MDGA2: variants seen among roughly 807,000 people sequenced by gnomAD.
MDGA2 encodes MAM domain-containing glycosylphosphatidylinositol anchor protein 2.
Under a neutral mutation model 117.8 loss-of-function variants are expected in MDGA2, and 40 were observed. That is an observed-to-expected ratio of 0.34 (90% CI 0.26 to 0.44). MDGA2 has a LOEUF of 0.44. Among genes scored for constraint, MDGA2 ranks in the 20% least tolerant of loss-of-function variants. The pLI is 1.00. For synonymous variants in MDGA2, 452 were observed against 439.0 expected (o/e 1.03, Z -0.37); for missense variants, 1,123 against 1,250.6 (o/e 0.90, Z 1.54).
intron 2 of MDGA2, among the ~76,000 whole-genome samples, chr14:47,258,362 G>A (rs1887690054): frequency 6.6e-6 from 1 of 152,054 alleles, no homozygotes; most frequent in Admixed American, 6.6e-5. Context: ...GGAGAGGAAG[G>A]AGGCATATTT....
intron 1 of MDGA2, among the ~76,000 whole-genome samples, chr14:47,352,584 G>C (rs1890908063): frequency 6.6e-6 from 1 of 152,112 alleles, no homozygotes. Flanking sequence ...AGTATGACTT[G>C]CTCACCTAAT....
At chr14:46,912,199 T>C (rs1566521151) in intron 10 of MDGA2, among the ~76,000 whole-genome samples, 1 of 152,234 alleles carries the variant, frequency 6.6e-6, no homozygotes, top group Non-Finnish European at 1.5e-5. Context: ...CCTGCTGTAC[T>C]TTGCTCATAA....
chr14:47,063,496 C>T (rs1438700713), intron 6 of MDGA2, among the ~76,000 whole-genome samples: 1 of 151,842 alleles, frequency 6.6e-6, no homozygotes, highest in Non-Finnish European at 1.5e-5. Flanking sequence ...ATCTGGCTGC[C>T]ATATTTGGTA....
At chr14:47,011,450 G>A (rs1480480787) in intron 8 of MDGA2, among the ~76,000 whole-genome samples, 2 of 151,888 alleles carry the variant, frequency 1.3e-5, no homozygotes, top group African/African-American at 4.8e-5. Flanking sequence ...ATGTTGAGAA[G>A]CAAAAGTAAC....
At chr14:47,101,883 A>C (rs368508009) in intron 5 of MDGA2, among the ~76,000 whole-genome samples, 42 of 152,312 alleles carry the variant, frequency 2.8e-4, no homozygotes, top group East Asian at 2.7e-3. Flanking sequence ...AAGTATGTAT[A>C]CTGGGGTTCA....
intron 7 of MDGA2, among the ~76,000 whole-genome samples, chr14:47,052,002 C>A (rs1889475981): frequency 6.6e-6 from 1 of 151,792 alleles, no homozygotes; most frequent in Non-Finnish European, 1.5e-5. Context: ...ATGTACATTC[C>A]ATTGTTAACT....
At chr14:47,610,527 G>A (rs926885618) in intron 1 of MDGA2, among the ~76,000 whole-genome samples, 7 of 151,926 alleles carry the variant, frequency 4.6e-5, no homozygotes, top group African/African-American at 1.7e-4. Context: ...CAACCAAGCG[G>A]AGAATCAAAT....
chr14:47,494,090 T>C lies in MDGA2; in HGVS notation c.280+180427A>G, dbSNP rs1894229100. 2.6e-5 allele frequency among the ~76,000 whole-genome samples: 4 copies of C among 152,326 alleles called. No homozygotes were observed. In the South Asian group the frequency reaches 8.3e-4, roughly 32 times the overall value. On this transcript the variant is annotated intron_variant, in intron 1 of 16. Transcript: ENST00000399232. ...CTCTTTACTCTGCACTTCTCCTTCC[T>C]GCTGCCATGTGAAGAAGTACATGTT...
At chr14:47,188,569 C>T (rs1056353613) in intron 3 of MDGA2, among the ~76,000 whole-genome samples, 2 of 152,018 alleles carry the variant, frequency 1.3e-5, no homozygotes, top group East Asian at 1.9e-4. Context: ...GAAGGGAGTC[C>T]GGATGCACAT....
intron 2 of MDGA2, among the ~76,000 whole-genome samples, chr14:47,259,699 G>A (rs1008395871): frequency 1.3e-5 from 2 of 151,976 alleles, no homozygotes; most frequent in Non-Finnish European, 2.9e-5. Flanking sequence ...TAGGAACTCC[G>A]AAGAAAAGTG....
At chr14:47,223,302 A>G (rs141344559) in intron 2 of MDGA2, among the ~76,000 whole-genome samples, 73 of 152,308 alleles carry the variant, frequency 4.8e-4, no homozygotes, top group African/African-American at 1.6e-3. Context: ...TATAAACCTT[A>G]AGTACCCTCT....
intron 2 of MDGA2, among the ~76,000 whole-genome samples, chr14:47,241,565 A>G (rs1272822121): frequency 6.6e-6 from 1 of 151,946 alleles, no homozygotes; most frequent in East Asian, 1.9e-4. Flanking sequence ...TTCTTTAATT[A>G]AAGGTCACTC....
intron 1 of MDGA2, among the ~76,000 whole-genome samples, chr14:47,641,183 C>T (rs2138245934): frequency 6.6e-6 from 1 of 152,178 alleles, no homozygotes; most frequent in South Asian, 2.1e-4. Flanking sequence ...ACTTGTTATA[C>T]TTGAAGTGAA....
At chr14:47,040,334 T>C (rs1342798473) in intron 7 of MDGA2, among the ~76,000 whole-genome samples, 1 of 151,752 alleles carries the variant, frequency 6.6e-6, no homozygotes, top group African/African-American at 2.4e-5. Flanking sequence ...ATAAATTTTA[T>C]TTTCTTTATT....
intron 8 of MDGA2, among the ~76,000 whole-genome samples, chr14:46,982,543 C>T (rs1055134269): frequency 4.6e-5 from 7 of 150,804 alleles, no homozygotes; most frequent in East Asian, 2.0e-4. Flanking sequence ...ACCCCGTCTC[C>T]GCTAAAAATA....
chr14:47,269,931 C>A (rs1168628069), intron 2 of MDGA2, among the ~76,000 whole-genome samples: 1 of 152,134 alleles, frequency 6.6e-6, no homozygotes, highest in Admixed American at 6.6e-5. Context: ...TTACATCAGC[C>A]AGCATTTCCC....
Position 47,310,234 on chromosome 14 carries a change from A to G in MDGA2, c.281-8684T>C, listed in dbSNP as rs552308782. On this transcript the variant is annotated intron_variant, in intron 1 of 16. Transcript: ENST00000399232. ...AAAACCCTTGCATGTTTTAGAGATG[A>G]AAAAAAAAGTTACACTGAATCTAAG... 1.1e-3 allele frequency among the ~76,000 whole-genome samples: 168 copies of G among 151,734 alleles called. 1 individual carries two copies. Among genetic ancestry groups the G allele is most frequent in the Middle Eastern group, 6.8e-3 (2 of 294 alleles).
chr14:47,383,201 T>G (rs1891676277), intron 1 of MDGA2, among the ~76,000 whole-genome samples: 2 of 152,062 alleles, frequency 1.3e-5, no homozygotes, highest in African/African-American at 4.8e-5. Flanking sequence ...CCGGAGCCTG[T>G]CAGGGGATGG....
At chr14:46,888,045 T>C (rs967205987) in intron 10 of MDGA2, among the ~76,000 whole-genome samples, 1 of 151,904 alleles carries the variant, frequency 6.6e-6, no homozygotes, top group Non-Finnish European at 1.5e-5. Context: ...AGGAGATACG[T>C]TGATGTTGTT....
Sources: gnomAD v4.1 joint callset for allele counts (sites outside exome capture counted in the v4.1 genomes callset) on GRCh38, gnomAD v4.1.1 for gene constraint, MANE v1.5 for transcripts, NCBI Gene and HGNC (gene_info 2026-07-23, HGNC 2026-07-21) for gene names.